The following PAK3 variants were observed in gnomAD, a reference collection of about 807,000 sequenced individuals.
PAK3 encodes serine/threonine-protein kinase PAK 3.
PAK3 carries 4 observed loss-of-function variants against 41.0 expected under a neutral mutation model. The observed-to-expected ratio is 0.10, with a 90% CI of 0.05 to 0.22. The LOEUF is 0.22. Ranked by LOEUF, PAK3 falls within the 10% of genes least tolerant of loss-of-function variation. PAK3 has a pLI of 1.00. For synonymous variants in PAK3, 146 were observed against 139.6 expected (o/e 1.05, Z -0.32); for missense variants, 205 against 409.9 (o/e 0.50, Z 4.32).
chrX:111,095,358 A>C (rs2092965959), upstream of PAK3, among the ~76,000 whole-genome samples: 1 of 111,968 alleles, frequency 8.9e-6, no homozygotes, highest in South Asian at 3.8e-4. Context: ...TTTTTATGGC[A>C]GCTTACTGTC....
At chrX:110,973,807 T>C (rs1346391123) in intron 1 of PAK3, among the ~76,000 whole-genome samples, 3 of 111,764 alleles carry the variant, frequency 2.7e-5, no homozygotes, top group African/African-American at 9.8e-5. Context: ...AGTGTGCTTA[T>C]TCAGGAGACC....
intron 1 of PAK3, among the ~76,000 whole-genome samples, chrX:111,055,161 A>G (rs913396265): frequency 2.1e-4 from 24 of 111,960 alleles, no homozygotes; most frequent in Non-Finnish European, 4.1e-4. Flanking sequence ...CAATCTCTGA[A>G]TAGGCAGCAC....
At chrX:111,054,312 C>T (rs1166580808) in intron 1 of PAK3, among the ~76,000 whole-genome samples, 1 of 112,659 alleles carries the variant, frequency 8.9e-6, no homozygotes, top group Non-Finnish European at 1.9e-5. Flanking sequence ...AGCCACTTTC[C>T]AGTGCCCCTA....
chrX:111,216,352 T>C, intron 16 of PAK3, 69 bp from the exon 17 acceptor site: 4 of 776,044 alleles, frequency 5.2e-6, no homozygotes, highest in Non-Finnish European at 7.9e-6. Context: ...AACTGGATTT[T>C]TGCCGTCTGT....
At chrX:111,112,355 C>T (rs1006416840) in intron 4 of PAK3, among the ~76,000 whole-genome samples, 5 of 110,296 alleles carry the variant, frequency 4.5e-5, no homozygotes, top group African/African-American at 1.3e-4. Context: ...AAGCCTGCTT[C>T]GTCAGGCTCC....
intron 1 of PAK3, among the ~76,000 whole-genome samples, chrX:111,038,227 A>G (rs2092419242): frequency 1.8e-5 from 2 of 112,407 alleles, no homozygotes; most frequent in South Asian, 7.4e-4. Flanking sequence ...AGCAAGGATC[A>G]GGTTAGTATC....
At chrX:110,983,000 G>A (rs1284858945) in intron 1 of PAK3, among the ~76,000 whole-genome samples, 1 of 110,970 alleles carries the variant, frequency 9.0e-6, no homozygotes, top group East Asian at 2.9e-4. Flanking sequence ...TAAAAAGGCA[G>A]TGGGTTCCAA....
intron 11 of PAK3, among the ~76,000 whole-genome samples, chrX:111,179,474 C>T (rs756915389): frequency 9.0e-6 from 1 of 111,223 alleles, no homozygotes; most frequent in Non-Finnish European, 1.9e-5. Flanking sequence ...GAAAATAACA[C>T]AGGAACTACT....
rs1235729259 is a variant in PAK3, at chrX:111,222,022, G to A, written c.*1575G>A. Reference sequence around the variant, plus strand: ...GAGAGTAGAAAAATATCTGCGGAGTGTCTGTGTAGAAAAGGATATGCCTCT... The same window carrying A: ...GAGAGTAGAAAAATATCTGCGGAGTATCTGTGTAGAAAAGGATATGCCTCT... On this transcript the variant is annotated 3_prime_UTR_variant, in exon 18 of 18. Transcript: ENST00000372007. The A allele has an allele frequency of 8.9e-6, 1 of 112,080 alleles. No homozygotes were observed. Among genetic ancestry groups the A allele is most frequent in the Non-Finnish European group, 1.9e-5 (1 of 53,155 alleles). 9.2% of individuals were successfully genotyped at this position (112,080 alleles called of 1,213,427 possible). A position where few individuals can be genotyped will look rare whatever the true frequency, so the allele number is the denominator to read the frequency against.
At chrX:111,219,589 C>T (rs933970294) in intron 17 of PAK3, among the ~76,000 whole-genome samples, 4 of 110,886 alleles carry the variant, frequency 3.6e-5, no homozygotes, top group Non-Finnish European at 7.5e-5. Flanking sequence ...AAGAAAATCC[C>T]GTAGGAAATA....
chrX:111,209,102 T>G (rs1174134691), intron 16 of PAK3, among the ~76,000 whole-genome samples: 2 of 111,161 alleles, frequency 1.8e-5, no homozygotes, highest in Admixed American at 1.9e-4. Flanking sequence ...CAGAGGTGGA[T>G]CAATTAAACC....
intron 5 of PAK3, 40 bp downstream of exon 5, chrX:111,123,318 T>C (rs760036154): frequency 9.3e-7 from 1 of 1,070,708 alleles, no homozygotes; most frequent in Non-Finnish European, 1.3e-6. Flanking sequence ...TGGGCTAGTT[T>C]ATTCTTTCAT....
intron 16 of PAK3, among the ~76,000 whole-genome samples, chrX:111,209,449 A>G (rs1479679571): frequency 1.8e-5 from 2 of 112,480 alleles, no homozygotes; most frequent in Non-Finnish European, 3.8e-5. Context: ...CATGGATATA[A>G]CATTTATATA....
chrX:110,967,305 T>C (rs1258162622), intron 1 of PAK3, among the ~76,000 whole-genome samples: 1 of 112,701 alleles, frequency 8.9e-6, no homozygotes, highest in African/African-American at 3.2e-5. Flanking sequence ...GGATAGTATC[T>C]TCAGTGAGCT....
At chrX:110,977,107 TAAA>T (rs991790810) in intron 1 of PAK3, among the ~76,000 whole-genome samples, 1 of 109,554 alleles carries the variant, frequency 9.1e-6, no homozygotes, top group Non-Finnish European at 1.9e-5. Flanking sequence ...TAGAGTATAA[TAAA>T]AAAAAATCAG....
chrX:110,945,380 T>C (rs1004769026), intron 1 of PAK3, among the ~76,000 whole-genome samples: 1 of 111,448 alleles, frequency 9.0e-6, no homozygotes. Flanking sequence ...GGAAGGATAA[T>C]GATTGTTTTC....
intron 1 of PAK3, among the ~76,000 whole-genome samples, chrX:111,077,265 A>C (rs1326270617): frequency 8.9e-6 from 1 of 111,752 alleles, no homozygotes; most frequent in Non-Finnish European, 1.9e-5. Context: ...TAAAATCCCT[A>C]TCAAAATTCC....
intron 7 of PAK3, among the ~76,000 whole-genome samples, chrX:111,149,201 G>C (rs1215239345): frequency 8.9e-6 from 1 of 112,045 alleles, no homozygotes. Context: ...GCTGATGTAA[G>C]AGGTGGGTTC....
At chrX:110,975,250 C>T (rs747972011) in intron 1 of PAK3, among the ~76,000 whole-genome samples, 3 of 112,267 alleles carry the variant, frequency 2.7e-5, no homozygotes, top group African/African-American at 9.7e-5. Flanking sequence ...AGATAAGCAA[C>T]TTCAGCAAAG....
Sources: allele counts gnomAD v4.1 joint callset (sites outside exome capture counted in the v4.1 genomes callset), GRCh38; gene constraint gnomAD v4.1.1; transcripts MANE v1.5; gene names NCBI Gene and HGNC (gene_info 2026-07-23, HGNC 2026-07-21).